PAK2: variants seen among roughly 807,000 people sequenced by gnomAD.
PAK2 encodes the protein p21 (RAC1) activated kinase 2, also known as serine/threonine-protein kinase PAK 2.
Under a neutral mutation model 65.9 loss-of-function variants are expected in PAK2, and 21 were observed. That is an observed-to-expected ratio of 0.32 (90% CI 0.23 to 0.46). The LOEUF (loss-of-function observed/expected upper bound fraction) is 0.46, where lower values mean the gene tolerates loss of function less well. Among genes scored for constraint, PAK2 ranks in the 20% least tolerant of loss-of-function variants. The pLI is 1.00. For synonymous variants in PAK2, 204 were observed against 219.7 expected, an observed-to-expected ratio of 0.93 and a Z score of 0.63; for missense variants, 324 against 642.6, an observed-to-expected ratio of 0.50 and a Z score of 5.36.
At chr3:196,816,790 A>C (rs1374813595) in intron 11 of PAK2, among the ~76,000 whole-genome samples, 1 of 152,182 alleles carries the variant, frequency 6.6e-6, no homozygotes, top group African/African-American at 2.4e-5. Context: ...CAGATTTTTA[A>C]AACGTCATCT....
At chr3:196,753,483 C>T (rs559450428) in intron 1 of PAK2, among the ~76,000 whole-genome samples, 7 of 152,196 alleles carry the variant, frequency 4.6e-5, no homozygotes, top group African/African-American at 1.7e-4. Flanking sequence ...TGAGAGCCAC[C>T]ACACCTGGCC....
chr3:196,832,242 AAC>A lies in PAK2; in HGVS notation c.*3839_*3840del, dbSNP rs1712115204. The A allele has an allele frequency of 6.6e-6, 1 of 152,200 alleles. No individual in the cohort carries two copies. Among genetic ancestry groups the A allele is most frequent in the African/African-American group, 2.4e-5 (1 of 41,462 alleles). 9.4% of individuals were successfully genotyped at this position (152,200 alleles called of 1,614,324 possible). ...CTAAGAGAACAGAAGTAATAAGAGA[AAC>A]AGTTACGTGTGGAATTCAACATCTT... On this transcript the variant is annotated 3_prime_UTR_variant, in exon 15 of 15. Transcript: ENST00000327134.
chr3:196,830,262 A>G lies in PAK2; in HGVS notation c.*1857A>G, dbSNP rs1193025910. 6.6e-6 allele frequency: 1 copy of G among 152,152 alleles called. No homozygotes were observed. Among genetic ancestry groups the G allele is most frequent in the African/African-American group, 2.4e-5 (1 of 41,438 alleles). 9.4% of individuals were successfully genotyped at this position (152,152 alleles called of 1,614,324 possible). On this transcript the variant is annotated 3_prime_UTR_variant, in exon 15 of 15. Transcript: ENST00000327134. The stretch of plus-strand genomic sequence containing the variant: ...ATAATTAATGAAACATATTTAGAGC[A>G]CTTAATGGTCTCTGTTTTCAATATA...
intron 1 of PAK2, among the ~76,000 whole-genome samples, chr3:196,769,987 A>T (rs1017458814): frequency 1.3e-5 from 2 of 152,046 alleles, no homozygotes; most frequent in African/African-American, 4.8e-5. Flanking sequence ...CGGACATGGC[A>T]GCTCACACCT....
intron 1 of PAK2, among the ~76,000 whole-genome samples, chr3:196,758,993 A>C (rs911863051): frequency 6.6e-6 from 1 of 152,122 alleles, no homozygotes; most frequent in East Asian, 1.9e-4. Context: ...AAAAACTTAC[A>C]CATTTTTATT....
Position 196,781,580 on chromosome 3 carries a change from C to CT in PAK2, c.-21-1043dup, listed in dbSNP as rs1714714868. Among the ~76,000 whole-genome samples, 2 of 152,204 alleles carry CT rather than the reference C, an allele frequency of 1.3e-5. 1 individual carries two copies. Among genetic ancestry groups the CT allele is most frequent in the Admixed American group, 1.3e-4 (2 of 15,278 alleles). On this transcript the variant is annotated intron_variant, in intron 1 of 14. Coordinates refer to ENST00000327134, the MANE Select transcript of PAK2 (RefSeq NM_002577.4). Reference sequence around the variant, plus strand: ...CAGTATATCCAGATTCGTCAAGCTCCTTTGTGATTATCTGCAAAACTCAAA... The same window carrying CT: ...CAGTATATCCAGATTCGTCAAGCTCCTTTTGTGATTATCTGCAAAACTCAAA...
At chr3:196,753,907 C>A (rs1424549157) in intron 1 of PAK2, among the ~76,000 whole-genome samples, 2 of 152,010 alleles carry the variant, frequency 1.3e-5, no homozygotes, top group Non-Finnish European at 2.9e-5. Flanking sequence ...TCCAATAATA[C>A]TTTTGGTGAT....
intron 1 of PAK2, among the ~76,000 whole-genome samples, chr3:196,763,809 A>G (rs1194595341): frequency 6.6e-6 from 1 of 152,084 alleles, no homozygotes; most frequent in East Asian, 1.9e-4. Flanking sequence ...TTGCTTGATA[A>G]AAGGTGTCTG....
intron 1 of PAK2, among the ~76,000 whole-genome samples, chr3:196,772,521 A>C (rs187584945): frequency 1.3e-5 from 2 of 152,058 alleles, no homozygotes; most frequent in Non-Finnish European, 2.9e-5. Flanking sequence ...CTTCTTTTTT[A>C]CCAGCCTCCA....
chr3:196,757,311 T>A (rs1447735635), intron 1 of PAK2, among the ~76,000 whole-genome samples: 1 of 152,162 alleles, frequency 6.6e-6, no homozygotes, highest in Non-Finnish European at 1.5e-5. Flanking sequence ...GGTTGTTTAG[T>A]GAAACTACGC....
chr3:196,768,348 T>C (rs1038139629), intron 1 of PAK2, among the ~76,000 whole-genome samples: 8 of 152,098 alleles, frequency 5.3e-5, no homozygotes, highest in African/African-American at 1.9e-4. Context: ...TAGTCCTTTT[T>C]GTATATTAGT....
chr3:196,821,465 G>T (rs573617789), intron 13 of PAK2, among the ~76,000 whole-genome samples: 41 of 152,194 alleles, frequency 2.7e-4, no homozygotes, highest in Admixed American at 3.3e-4. Context: ...ACTTTGGGAG[G>T]CTGGGGTTGG....
At chr3:196,798,811 T>C (rs1715336056) in intron 2 of PAK2, among the ~76,000 whole-genome samples, 1 of 152,174 alleles carries the variant, frequency 6.6e-6, no homozygotes, top group African/African-American at 2.4e-5. Context: ...TCTCAATACA[T>C]GGAGAAAAGG....
intron 1 of PAK2, among the ~76,000 whole-genome samples, chr3:196,778,807 G>A (rs1714618351): frequency 6.6e-6 from 1 of 152,204 alleles, no homozygotes; most frequent in African/African-American, 2.4e-5. Flanking sequence ...GAATGTAGTG[G>A]TCAGGAGTTT....
chr3:196,740,927 CAG>C (rs1220441204), intron 1 of PAK2, among the ~76,000 whole-genome samples: 1 of 152,176 alleles, frequency 6.6e-6, no homozygotes, highest in African/African-American at 2.4e-5. Context: ...CATCCAAGAA[CAG>C]AAGCGTGTCA....
intron 1 of PAK2, among the ~76,000 whole-genome samples, chr3:196,740,539 G>A (rs1237586985): frequency 6.6e-6 from 1 of 152,124 alleles, no homozygotes; most frequent in Non-Finnish European, 1.5e-5. Flanking sequence ...CTCCGGTTTT[G>A]TTCCTTGATT....
At chr3:196,745,282 ATTT>A in intron 1 of PAK2, among the ~76,000 whole-genome samples, 1 of 92,762 alleles carries the variant, frequency 1.1e-5, no homozygotes, top group Admixed American at 1.2e-4. Flanking sequence ...CACCCAACTG[ATTT>A]TTTTTTTTTT....
At chr3:196,764,072 G>T (rs2108723431) in intron 1 of PAK2, among the ~76,000 whole-genome samples, 1 of 152,032 alleles carries the variant, frequency 6.6e-6, no homozygotes. Flanking sequence ...AAAGTGCTGG[G>T]ATTACAGGCG....
At chr3:196,802,792 C>T (rs756920982) in intron 3 of PAK2, among the ~76,000 whole-genome samples, 1 of 151,272 alleles carries the variant, frequency 6.6e-6, no homozygotes, top group Non-Finnish European at 1.5e-5. Context: ...TGCAGTGAGC[C>T]GAGATCTCGC....
Sources: gnomAD v4.1 joint callset for allele counts (sites outside exome capture counted in the v4.1 genomes callset) on GRCh38, gnomAD v4.1.1 for gene constraint, MANE v1.5 for transcripts, NCBI Gene and HGNC (gene_info 2026-07-23, HGNC 2026-07-21) for gene names.